HEXB: variants seen among roughly 807,000 people sequenced by gnomAD.
HEXB encodes beta-hexosaminidase subunit beta.
HEXB carries 51 observed loss-of-function variants against 71.2 expected under a neutral mutation model. The observed-to-expected ratio is 0.72, with a 90% CI of 0.57 to 0.90. The LOEUF is 0.90. HEXB is among the 40% of genes least tolerant of loss of function. HEXB has a pLI of 0.00. For synonymous variants in HEXB, 266 were observed against 249.3 expected (o/e 1.07, Z -0.63); for missense variants, 617 against 677.0 (o/e 0.91, Z 0.98).
chr5:74,660,294 G>A (rs373809361), intron 1 of HEXB, among the ~76,000 whole-genome samples: 2 of 152,210 alleles, frequency 1.3e-5, no homozygotes, highest in East Asian at 3.8e-4. Flanking sequence ...CTGTTACCAG[G>A]CAGTTGATTT....
Position 74,670,872 on chromosome 5 carries a change from C to T in HEXB, c.-376-18456C>T, listed in dbSNP as rs141689487. ...CAATTGGCTGGACCCCGCACTTGCT[C>T]GCTCACACACCCCCTCCCACCAGGG... On this transcript the variant is annotated intron_variant, in intron 1 of 13. Coordinates refer to the HEXB transcript ENST00000511181. Among the ~76,000 whole-genome samples, 74 of 152,172 alleles carry T rather than the reference C, an allele frequency of 4.9e-4. No individual in the cohort carries two copies. The East Asian group carries it at 0.011, about 22-fold the overall frequency.
At chr5:74,653,002 T>C (rs1279550560) in intron 1 of HEXB, among the ~76,000 whole-genome samples, 2 of 152,212 alleles carry the variant, frequency 1.3e-5, no homozygotes, top group Non-Finnish European at 2.9e-5. Flanking sequence ...CAAAAAACTT[T>C]AACATTTCTT....
At chr5:74,705,075 G>C (rs1749348815) in intron 5 of HEXB, 144 bp from the exon 6 acceptor site, 1 of 617,952 alleles carries the variant, frequency 1.6e-6, no homozygotes, top group Non-Finnish European at 2.9e-6. Flanking sequence ...CTGGGCAATG[G>C]AGTGAGACCC....
Position 74,716,762 on chromosome 5 carries a change from T to A in HEXB, c.1169+89T>A, listed in dbSNP as rs114477143. The A allele has an allele frequency of 2.4e-3, 2,014 of 837,040 alleles. 34 individuals are homozygous for A. The African/African-American group carries it at 0.03, about 13-fold the overall frequency. 51.9% of individuals were successfully genotyped at this position (837,040 alleles called of 1,614,324 possible). ...CTTTATTTTTTACATTTTCTCTACATCCTTTGCCTAAGTGTAGATGTGAAA... is the reference window on the plus strand; with the variant it reads ...CTTTATTTTTTACATTTTCTCTACAACCTTTGCCTAAGTGTAGATGTGAAA... On this transcript the variant is annotated intron_variant, in intron 9 of 13. Coordinates refer to ENST00000261416, the MANE Select transcript of HEXB (RefSeq NM_000521.4).
At chr5:74,714,927 G>A (rs910634018) in intron 7 of HEXB, among the ~76,000 whole-genome samples, 1 of 152,064 alleles carries the variant, frequency 6.6e-6, no homozygotes, top group Admixed American at 6.6e-5. Context: ...CCACACTTTG[G>A]GAAAACCTTT....
chr5:74,659,590 A>G (rs779719911), intron 1 of HEXB, among the ~76,000 whole-genome samples: 1 of 152,200 alleles, frequency 6.6e-6, no homozygotes, highest in African/African-American at 2.4e-5. Context: ...AGAAGATGTG[A>G]ATATGGAGAA....
chr5:74,713,630 G>T lies in HEXB; in HGVS notation c.896G>T (p.Gly299Val), dbSNP rs550315046. 6.2e-7 allele frequency: 1 copy of T among 1,612,240 alleles called. No homozygotes were observed. The highest frequency in any genetic ancestry group is 1.3e-5 in the African/African-American group (1 of 74,974). Residue 299 changes from glycine to valine, a missense_variant, in exon 7 of 14, where the codon GGA becomes GTA. Transcript: ENST00000261416. ...FDTPGHTLSW[G>V]KGQKDLLTPC... ...ACCCCTGGGCATACACTATCTTGGG[G>T]AAAAGGTAAGGAGTTGTATTTTATT... is the stretch of plus-strand genomic sequence containing the variant.
chr5:74,660,311 C>T (rs1317499106), intron 1 of HEXB, among the ~76,000 whole-genome samples: 1 of 152,226 alleles, frequency 6.6e-6, no homozygotes, highest in Non-Finnish European at 1.5e-5. Context: ...ATTTCCCAGC[C>T]TCCCTTTTAA....
intron 1 of HEXB, among the ~76,000 whole-genome samples, chr5:74,645,740 C>T (rs1747990402): frequency 6.6e-6 from 1 of 152,148 alleles, no homozygotes; most frequent in Non-Finnish European, 1.5e-5. Flanking sequence ...TGTTTCTACT[C>T]CAGGGCCTTT....
rs752174303 is a variant in HEXB at position 74,696,739 on chromosome 5, TGTAA to T, written c.558+4_558+7del. 4 of 1,408,452 alleles carry T rather than the reference TGTAA, an allele frequency of 2.8e-6. No individual in the cohort carries two copies. In the South Asian group the frequency reaches 3.5e-5, roughly 12 times the overall value. 87.2% of individuals were successfully genotyped at this position (1,408,452 alleles called of 1,614,324 possible). A position where few individuals can be genotyped will look rare whatever the true frequency, so the allele number is the denominator to read the frequency against. On this transcript the variant is annotated splice_donor_variant and splice_donor_region_variant and intron_variant, in intron 4 of 13. Coordinates refer to ENST00000261416, the MANE Select transcript of HEXB (RefSeq NM_000521.4). LOFTEE classifies it high-confidence loss of function. ...TAGTTTATCAAGATTCTTATGGAAC[TGTAA>T]GTATGATTATTATATGTTACTAAAA...
In HEXB at chr5:74,652,091, T is replaced by A. The variant is rs1475485062; in HGVS notation, c.-377+11533T>A. ...TAATACTCAACTCTGGCATGAGATG[T>A]CTACGTGGAAATTAAAATGATGAAC... On this transcript the variant is annotated intron_variant, in intron 1 of 13. Transcript: ENST00000511181. This position sits in a 1 kb window ranked among gnomAD's most constrained non-coding sequence, Gnocchi z 5.4. 2.0e-5 allele frequency among the ~76,000 whole-genome samples: 3 copies of A among 152,210 alleles called. No homozygotes were observed. The highest frequency in any genetic ancestry group is 4.1e-4 in the South Asian group (2 of 4,832).
chr5:74,670,230 G>C (rs1235300695), intron 1 of HEXB, among the ~76,000 whole-genome samples: 1 of 145,878 alleles, frequency 6.9e-6, no homozygotes, highest in Non-Finnish European at 1.5e-5. Flanking sequence ...TGGTGCCTTT[G>C]TTTTAGCCTC....
chr5:74,717,065 C>G (rs1489612848), intron 9 of HEXB, among the ~76,000 whole-genome samples: 1 of 152,176 alleles, frequency 6.6e-6, no homozygotes, highest in African/African-American at 2.4e-5. Context: ...TGGCAGGTGC[C>G]TGTAGTCCCA....
intron 6 of HEXB, among the ~76,000 whole-genome samples, chr5:74,709,611 C>T (rs1187301358): frequency 6.6e-6 from 1 of 152,002 alleles, no homozygotes; most frequent in African/African-American, 2.4e-5. Flanking sequence ...GGGGATATCA[C>T]CACCAATCCC....
At chr5:74,653,830 T>C (rs1455979176) in intron 1 of HEXB, among the ~76,000 whole-genome samples, 1 of 152,142 alleles carries the variant, frequency 6.6e-6, no homozygotes, top group Non-Finnish European at 1.5e-5. Flanking sequence ...AAAAAATTTA[T>C]TGAACGCCTA....
intron 1 of HEXB, among the ~76,000 whole-genome samples, chr5:74,654,009 C>T (rs1417068608): frequency 6.6e-6 from 1 of 152,062 alleles, no homozygotes; most frequent in Non-Finnish European, 1.5e-5. Context: ...ATCCTATGGA[C>T]GCCAGCTTGA....
intron 1 of HEXB, among the ~76,000 whole-genome samples, chr5:74,648,737 A>G (rs1055703216): frequency 3.9e-5 from 6 of 152,364 alleles, no homozygotes; most frequent in African/African-American, 1.4e-4. Context: ...TTAAAATTCC[A>G]TACATAATTT....
intron 1 of HEXB, among the ~76,000 whole-genome samples, chr5:74,677,131 C>T (rs565018564): frequency 3.0e-4 from 46 of 152,166 alleles, no homozygotes; most frequent in Admixed American, 7.9e-4. Context: ...GTGATCTACC[C>T]GCCTCAGCCT....
intron 1 of HEXB, among the ~76,000 whole-genome samples, chr5:74,661,563 G>GTC (rs371926437): frequency 8.5e-4 from 114 of 133,706 alleles, no homozygotes; most frequent in South Asian, 1.3e-3. Context: ...GTGTGTGTGT[G>GTC]TCTCTCTCTC....
Sources: gnomAD v4.1 joint callset for allele counts (sites outside exome capture counted in the v4.1 genomes callset) on GRCh38, gnomAD v4.1.1 for gene constraint, Gnocchi (gnomAD v3.1) non-coding constraint, MANE v1.5 for transcripts, NCBI Gene and HGNC (gene_info 2026-07-23, HGNC 2026-07-21) for gene names.